The following DTNBP1 variants were observed in gnomAD, a reference collection of about 807,000 sequenced individuals.
DTNBP1 encodes the protein dysbindin.
A neutral mutation model predicts 42.8 loss-of-function variants in DTNBP1; 35 were observed. The ratio of observed to expected loss-of-function variants is 0.82; its 90% confidence interval spans 0.63 to 1.09. DTNBP1 has a LOEUF of 1.09. DTNBP1 is among the 50% of genes least tolerant of loss of function. The probability of loss-of-function intolerance (pLI) is 0.00; values close to 1 mark genes in which losing one functional copy is unlikely to be tolerated. For synonymous variants in DTNBP1, 171 were observed against 162.2 expected, an observed-to-expected ratio of 1.05 and a Z score of -0.41; for missense variants, 457 against 424.2, an observed-to-expected ratio of 1.08 and a Z score of -0.68.
intron 3 of DTNBP1, among the ~76,000 whole-genome samples, chr6:15,650,341 C>T (rs943992559): frequency 1.3e-5 from 2 of 152,152 alleles, no homozygotes; most frequent in Non-Finnish European, 2.9e-5. Context: ...GGCACGATCT[C>T]GGCTCACCGC....
intron 7 of DTNBP1, among the ~76,000 whole-genome samples, chr6:15,551,587 C>T (rs1774213999): frequency 1.3e-5 from 2 of 152,150 alleles, no homozygotes. Flanking sequence ...GCTCGACTGC[C>T]CCCTTCTCTG....
chr6:15,560,665 C>T (rs182729111), intron 7 of DTNBP1, among the ~76,000 whole-genome samples: 36 of 152,290 alleles, frequency 2.4e-4, no homozygotes, highest in Middle Eastern at 3.4e-3. Flanking sequence ...GGAAAACTGG[C>T]CTCATGCCTT....
rs573046984 is a variant in DTNBP1 at position 15,559,478 on chromosome 6, C to T, written c.512-26083G>A. 7.2e-5 allele frequency among the ~76,000 whole-genome samples: 11 copies of T among 152,102 alleles called. 1 individual carries two copies. The highest frequency in any genetic ancestry group is 5.9e-4 in the Admixed American group (9 of 15,270). The stretch of plus-strand genomic sequence containing the variant: ...TGAAAAGTAGATTTTATGCAACAAC[C>T]GGTGACAACCAGTTCATTGGCTAGA... On this transcript the variant is annotated intron_variant, in intron 7 of 9. Transcript: ENST00000344537.
At chr6:15,571,833 T>C (rs1775351982) in intron 7 of DTNBP1, among the ~76,000 whole-genome samples, 1 of 152,172 alleles carries the variant, frequency 6.6e-6, no homozygotes, top group South Asian at 2.1e-4. Flanking sequence ...AGGGAACAAA[T>C]CTGTAAATCT....
chr6:15,636,773 C>A (rs563706331), intron 4 of DTNBP1, among the ~76,000 whole-genome samples: 1 of 152,104 alleles, frequency 6.6e-6, no homozygotes, highest in South Asian at 2.1e-4. Context: ...ATTTTGATCC[C>A]GACTTCCATG....
At chr6:15,602,809 CTT>C (rs1776780815) in intron 6 of DTNBP1, among the ~76,000 whole-genome samples, 1 of 152,198 alleles carries the variant, frequency 6.6e-6, no homozygotes, top group Non-Finnish European at 1.5e-5. Flanking sequence ...CAAAGATACA[CTT>C]TAGGTTTTCA....
At chr6:15,575,944 A>G (rs1179755801) in intron 7 of DTNBP1, among the ~76,000 whole-genome samples, 1 of 152,196 alleles carries the variant, frequency 6.6e-6, no homozygotes, top group East Asian at 1.9e-4. Flanking sequence ...CTGCTGGCCC[A>G]TGAGCTGTGA....
chr6:15,542,504 T>C (rs995241295), intron 7 of DTNBP1, among the ~76,000 whole-genome samples: 4 of 151,556 alleles, frequency 2.6e-5, no homozygotes, highest in African/African-American at 9.7e-5. Context: ...CCTGAGTAGC[T>C]GGGATTACAG....
At chr6:15,585,521 T>C (rs1225886281) in intron 7 of DTNBP1, among the ~76,000 whole-genome samples, 1 of 152,122 alleles carries the variant, frequency 6.6e-6, no homozygotes, top group Non-Finnish European at 1.5e-5. Context: ...AATTATTACT[T>C]GTTGGTAATA....
intron 6 of DTNBP1, among the ~76,000 whole-genome samples, chr6:15,596,047 G>A (rs1161951841): frequency 6.6e-6 from 1 of 152,152 alleles, no homozygotes; most frequent in Non-Finnish European, 1.5e-5. Flanking sequence ...CACGTTGGGG[G>A]CACGTGGGGA....
chr6:15,583,991 A>G lies in DTNBP1; in HGVS notation c.511+9068T>C, dbSNP rs72837851. On this transcript the variant is annotated intron_variant, in intron 7 of 9. Coordinates refer to ENST00000344537, the MANE Select transcript of DTNBP1 (RefSeq NM_032122.5). ...CATGCCCAGTATGACAACTTAAGAC[A>G]TGGTATTAGAATAAACAATCAACTC... Among the ~76,000 whole-genome samples, 873 of 152,334 alleles carry G rather than the reference A, an allele frequency of 5.7e-3. 2 individuals carry two copies. Among genetic ancestry groups the G allele is most frequent in the Non-Finnish European group, 9.2e-3 (624 of 68,016 alleles).
At chr6:15,550,627 T>C (rs919956572) in intron 7 of DTNBP1, among the ~76,000 whole-genome samples, 4 of 152,218 alleles carry the variant, frequency 2.6e-5, no homozygotes, top group Admixed American at 6.5e-5. Context: ...AGAAAATATT[T>C]TTGAAATGGG....
intron 4 of DTNBP1, among the ~76,000 whole-genome samples, chr6:15,634,625 AT>A (rs991714144): frequency 2.0e-5 from 3 of 151,810 alleles, no homozygotes; most frequent in East Asian, 1.9e-4. Flanking sequence ...ACCACTTTCT[AT>A]TTTTTTTGTA....
At chr6:15,591,030 C>T (rs762113384) in intron 7 of DTNBP1, among the ~76,000 whole-genome samples, 1 of 151,310 alleles carries the variant, frequency 6.6e-6, no homozygotes, top group Non-Finnish European at 1.5e-5. Context: ...ACAATATGTT[C>T]GAACAAACTT....
intron 4 of DTNBP1, among the ~76,000 whole-genome samples, chr6:15,634,848 AGATTT>A (rs1759915742): frequency 6.6e-6 from 1 of 152,206 alleles, no homozygotes; most frequent in Non-Finnish European, 1.5e-5. Context: ...CCCACTGTTT[AGATTT>A]ATCTATGTTT....
rs1354047754 is a variant in DTNBP1, at chr6:15,637,854, A to G, written c.162-50T>C. On this transcript the variant is annotated intron_variant, in intron 3 of 9. Coordinates refer to ENST00000344537, the MANE Select transcript of DTNBP1 (RefSeq NM_032122.5). ...GAAATGCAAACCACACATTAAAAGG[A>G]AATACTATCTAAAGATGAATGTGGA... 2.6e-6 allele frequency: 4 copies of G among 1,540,530 alleles called. No homozygotes were observed. The Admixed American group carries it at 5.0e-5, about 19-fold the overall frequency.
At chr6:15,600,292 C>A (rs1776679267) in intron 6 of DTNBP1, among the ~76,000 whole-genome samples, 1 of 152,142 alleles carries the variant, frequency 6.6e-6, no homozygotes, top group Non-Finnish European at 1.5e-5. Context: ...TGGCCCAGCA[C>A]CGCTACTTCC....
intron 7 of DTNBP1, among the ~76,000 whole-genome samples, chr6:15,590,054 TCCCAAGTAGC>T: frequency 6.6e-6 from 1 of 152,104 alleles, no homozygotes; most frequent in African/African-American, 2.4e-5. Context: ...TGCCCCAGCC[TCCCAAGTAGC>T]TGGGACTATA....
chr6:15,527,855 G>A (rs1772515936), intron 8 of DTNBP1, among the ~76,000 whole-genome samples: 1 of 152,146 alleles, frequency 6.6e-6, no homozygotes, highest in African/African-American at 2.4e-5. Context: ...TGACATATCT[G>A]ACAACTAAAG....
Sources: gnomAD v4.1 joint callset for allele counts (sites outside exome capture counted in the v4.1 genomes callset) on GRCh38, gnomAD v4.1.1 for gene constraint, MANE v1.5 for transcripts, NCBI Gene and HGNC (gene_info 2026-07-23, HGNC 2026-07-21) for gene names.